Variants in TUSC3 observed in about 807,000 individuals in gnomAD.
TUSC3 encodes the protein tumor suppressor candidate 3.
In TUSC3, 45 loss-of-function variants were observed where a neutral mutation model predicts 44.8. That is an observed-to-expected ratio of 1.00 (90% CI 0.79 to 1.29). The LOEUF (loss-of-function observed/expected upper bound fraction) is 1.29. TUSC3 is among the 50% of genes most tolerant of loss of function. TUSC3 has a pLI of 0.00. For synonymous variants in TUSC3, 212 were observed against 152.9 expected (o/e 1.39, Z -2.85); for missense variants, 519 against 437.9 (o/e 1.19, Z -1.65).
chr8:15,465,665 A>C (rs1800404992), intron 1 of TUSC3, among the ~76,000 whole-genome samples: 1 of 152,214 alleles, frequency 6.6e-6, no homozygotes, highest in African/African-American at 2.4e-5. Flanking sequence ...AGTTCCTGTA[A>C]AACTTTTATC....
intron 2 of TUSC3, among the ~76,000 whole-genome samples, chr8:15,496,469 G>A (rs943261609): frequency 6.6e-6 from 1 of 152,118 alleles, no homozygotes; most frequent in Non-Finnish European, 1.5e-5. Context: ...TTAAATATTG[G>A]CCATCTTGAT....
intron 9 of TUSC3, among the ~76,000 whole-genome samples, chr8:15,757,590 A>G (rs1275491756): frequency 6.6e-6 from 1 of 152,210 alleles, no homozygotes; most frequent in East Asian, 1.9e-4. Context: ...CTGGCTTTGT[A>G]AAATGACTTA....
At chr8:15,741,836 A>AACTT (rs1462193847) in intron 7 of TUSC3, among the ~76,000 whole-genome samples, 1 of 152,180 alleles carries the variant, frequency 6.6e-6, no homozygotes, top group Admixed American at 6.5e-5. Flanking sequence ...TTAAAGGGGA[A>AACTT]ACTTAGTAAC....
chr8:15,553,377 G>C (rs1802123915), intron 1 of TUSC3, among the ~76,000 whole-genome samples: 1 of 151,658 alleles, frequency 6.6e-6, no homozygotes, highest in Non-Finnish European at 1.5e-5. Flanking sequence ...GCTTGCAAAA[G>C]ATCCTTGGAC....
chr8:15,836,175 C>G, the TUSC3 span, among the ~76,000 whole-genome samples: 1 of 151,504 alleles, frequency 6.6e-6, no homozygotes, highest in African/African-American at 2.4e-5. Flanking sequence ...GGTATAATCA[C>G]AAAGTTTAAA....
intron 1 of TUSC3, among the ~76,000 whole-genome samples, chr8:15,560,521 T>A (rs528348217): frequency 6.6e-6 from 1 of 150,762 alleles, no homozygotes; most frequent in African/African-American, 2.4e-5. Flanking sequence ...TGTGGCATTC[T>A]CTGTGTTTCC....
At chr8:15,650,005 TG>T (rs1806818355) in intron 2 of TUSC3, among the ~76,000 whole-genome samples, 1 of 152,206 alleles carries the variant, frequency 6.6e-6, no homozygotes, top group African/African-American at 2.4e-5. Flanking sequence ...GTTTCTTCTC[TG>T]TTCCTACATA....
chr8:15,730,051 AAG>A (rs1325432674), intron 6 of TUSC3, among the ~76,000 whole-genome samples: 1 of 152,102 alleles, frequency 6.6e-6, no homozygotes, highest in Non-Finnish European at 1.5e-5. Flanking sequence ...TGATATTCGT[AAG>A]AGAGATTATC....
the TUSC3 span, among the ~76,000 whole-genome samples, chr8:15,785,592 AT>A: frequency 3.3e-5 from 5 of 151,984 alleles, no homozygotes; most frequent in African/African-American, 9.7e-5. Context: ...AGATAAGTAA[AT>A]TGAAAACTGC....
intron 2 of TUSC3, among the ~76,000 whole-genome samples, chr8:15,626,151 C>A (rs938852154): frequency 4.6e-5 from 7 of 152,136 alleles, no homozygotes; most frequent in African/African-American, 1.7e-4. Flanking sequence ...GTGCCACCCC[C>A]ACCCTCCTGA....
chr8:15,695,340 G>A (rs887382318), intron 6 of TUSC3, among the ~76,000 whole-genome samples: 10 of 152,128 alleles, frequency 6.6e-5, no homozygotes, highest in African/African-American at 2.4e-4. Context: ...ATAAACAGGA[G>A]TTCCCCTGCA....
the TUSC3 span, among the ~76,000 whole-genome samples, chr8:15,790,156 A>G: frequency 6.7e-6 from 1 of 149,426 alleles, no homozygotes; most frequent in Admixed American, 6.7e-5. Context: ...AAGGAGTGGT[A>G]ACTAACAGGT....
chr8:15,511,185 G>A (rs1450252471), intron 2 of TUSC3, among the ~76,000 whole-genome samples: 1 of 151,874 alleles, frequency 6.6e-6, no homozygotes, highest in Non-Finnish European at 1.5e-5. Flanking sequence ...AGGTCAAGAA[G>A]GTTCACTCTT....
At chr8:15,441,710 C>A (rs1292574522) in intron 1 of TUSC3, among the ~76,000 whole-genome samples, 1 of 152,040 alleles carries the variant, frequency 6.6e-6, no homozygotes, top group African/African-American at 2.4e-5. Context: ...GTAAAAAATA[C>A]TTGAATATTA....
chr8:15,506,358 C>T (rs969744990), intron 2 of TUSC3, among the ~76,000 whole-genome samples: 15 of 152,138 alleles, frequency 9.9e-5, no homozygotes, highest in African/African-American at 3.6e-4. Context: ...GCCATAAAAC[C>T]TGAAAACATT....
intron 1 of TUSC3, among the ~76,000 whole-genome samples, chr8:15,434,097 G>A (rs1246419101): frequency 1.3e-5 from 2 of 152,082 alleles, no homozygotes; most frequent in Non-Finnish European, 2.9e-5. Context: ...AATTCCATTT[G>A]CTCCATATCT....
intron 2 of TUSC3, among the ~76,000 whole-genome samples, chr8:15,520,059 A>G (rs1413384480): frequency 2.0e-5 from 3 of 152,298 alleles, no homozygotes; most frequent in East Asian, 3.9e-4. Context: ...AATAAGATTC[A>G]GACTCTGAGA....
chr8:15,714,235 T>A (rs966451348), intron 6 of TUSC3, among the ~76,000 whole-genome samples: 1 of 152,160 alleles, frequency 6.6e-6, no homozygotes, highest in Admixed American at 6.6e-5. Flanking sequence ...TCAAGCACAC[T>A]TATAAAGGAT....
intron 2 of TUSC3, among the ~76,000 whole-genome samples, chr8:15,644,214 A>T (rs761108985): frequency 6.6e-6 from 1 of 152,218 alleles, no homozygotes; most frequent in Non-Finnish European, 1.5e-5. Context: ...AAGATTTACT[A>T]TAACACATTT....
Sources: gnomAD v4.1 joint callset for allele counts (sites outside exome capture counted in the v4.1 genomes callset) on GRCh38, gnomAD v4.1.1 for gene constraint, MANE v1.5 for transcripts, NCBI Gene and HGNC (gene_info 2026-07-23, HGNC 2026-07-21) for gene names.